KCNAB1: variants seen among roughly 807,000 people sequenced by gnomAD.
KCNAB1 encodes voltage-gated potassium channel subunit beta-1.
Under a neutral mutation model 64.6 loss-of-function variants are expected in KCNAB1, and 35 were observed. The observed-to-expected ratio is 0.54, with a 90% CI of 0.41 to 0.72. The LOEUF (loss-of-function observed/expected upper bound fraction) is 0.72, where lower values mean the gene tolerates loss of function less well. KCNAB1 is among the 30% of genes least tolerant of loss of function. The pLI is 0.00. For missense variants in KCNAB1, 401 were observed against 512.9 expected, an observed-to-expected ratio of 0.78 and a Z score of 2.11; for synonymous variants, 177 against 183.8, an observed-to-expected ratio of 0.96 and a Z score of 0.30.
intron 1 of KCNAB1, 38 bp downstream of exon 1, chr3:156,120,924 C>T (rs1159347508): frequency 1.9e-6 from 3 of 1,604,534 alleles, no homozygotes; most frequent in Admixed American, 1.7e-5. Context: ...TTGGGAGACG[C>T]CGTTCGAAGG....
At chr3:156,349,418 A>G (rs1370456700) in intron 1 of KCNAB1, among the ~76,000 whole-genome samples, 3 of 152,192 alleles carry the variant, frequency 2.0e-5, no homozygotes, top group Non-Finnish European at 4.4e-5. Context: ...TCTGCTTCAC[A>G]AGTACTTTCT....
In KCNAB1 at chr3:156,483,594, C is replaced by G. The variant is rs1188767036; in HGVS notation, c.658+8774C>G. Among the ~76,000 whole-genome samples the G allele has an allele frequency of 2.6e-5, 4 of 152,218 alleles. No homozygotes were observed. In the East Asian group the frequency reaches 7.7e-4, roughly 29 times the overall value. ...AATTCTGCCTATGTCTCACAAGCTACTTGCATCTCCACCCAGTTTCATTTA... is the reference window on the plus strand; with the variant it reads ...AATTCTGCCTATGTCTCACAAGCTAGTTGCATCTCCACCCAGTTTCATTTA... On this transcript the variant is annotated intron_variant, in intron 8 of 13. Coordinates refer to ENST00000490337, the MANE Select transcript of KCNAB1 (RefSeq NM_172160.3).
At chr3:156,525,803 T>C (rs61155568) in intron 12 of KCNAB1, among the ~76,000 whole-genome samples, 55,731 of 151,998 alleles carry the variant, frequency 0.37, 10,659 homozygotes, top group African/African-American at 0.43. Context: ...CATGAGCCAC[T>C]GTGCCCAACC....
chr3:156,364,711 G>C (rs1048297044), intron 1 of KCNAB1, among the ~76,000 whole-genome samples: 3 of 152,136 alleles, frequency 2.0e-5, no homozygotes, highest in African/African-American at 7.2e-5. Flanking sequence ...CTGGGAGGTG[G>C]AGGTTCCGGT....
At chr3:156,176,763 G>GGC (rs779481857) in intron 1 of KCNAB1, 856 of 896,932 alleles carry the variant, frequency 9.5e-4, no homozygotes, top group Non-Finnish European at 1.5e-3. Context: ...ACACCTCGGA[G>GGC]GTCCTGCTTG....
intron 1 of KCNAB1, among the ~76,000 whole-genome samples, chr3:156,122,621 G>A (rs1344443830): frequency 6.6e-6 from 1 of 152,170 alleles, no homozygotes; most frequent in African/African-American, 2.4e-5. Context: ...ATAATCTGTG[G>A]GGTAGTGTTA....
intron 7 of KCNAB1, among the ~76,000 whole-genome samples, chr3:156,470,319 TA>T (rs1713789186): frequency 6.6e-6 from 1 of 152,190 alleles, no homozygotes; most frequent in African/African-American, 2.4e-5. Flanking sequence ...AAACATTTTT[TA>T]AACCCCAATT....
chr3:156,329,618 A>T (rs1281943421), intron 1 of KCNAB1, among the ~76,000 whole-genome samples: 2 of 152,108 alleles, frequency 1.3e-5, no homozygotes, highest in African/African-American at 4.8e-5. Context: ...GGAGTGAGGG[A>T]GGACAGCTAA....
chr3:156,141,605 T>A (rs1336529798), intron 1 of KCNAB1, among the ~76,000 whole-genome samples: 11 of 152,208 alleles, frequency 7.2e-5, no homozygotes, highest in Non-Finnish European at 2.9e-5. Context: ...AATAGTTCAT[T>A]CCTTTTACTT....
chr3:156,210,750 G>A lies in KCNAB1; in HGVS notation c.275+89864G>A, dbSNP rs145382079. ...TTCTCTGCTCCCCACAGGGTTCCCT[G>A]GGAGTGGGCTGGGACTGTACCTGGC... On this transcript the variant is annotated intron_variant, in intron 1 of 13. Transcript: ENST00000490337. Among the ~76,000 whole-genome samples, 422 of 152,324 alleles carry A rather than the reference G, an allele frequency of 2.8e-3. 3 individuals carry two copies. Among genetic ancestry groups the A allele is most frequent in the African/African-American group, 9.4e-3 (390 of 41,578 alleles).
chr3:156,280,210 T>G (rs1287007349), intron 1 of KCNAB1, among the ~76,000 whole-genome samples: 1 of 150,446 alleles, frequency 6.6e-6, no homozygotes, highest in African/African-American at 2.4e-5. Flanking sequence ...CCCAGCACCA[T>G]TTATTAAATA....
intron 1 of KCNAB1, among the ~76,000 whole-genome samples, chr3:156,266,423 T>C (rs1718714936): frequency 6.6e-6 from 1 of 152,210 alleles, no homozygotes. Context: ...CAGAGGTTGG[T>C]TTAAATCCCT....
intron 1 of KCNAB1, among the ~76,000 whole-genome samples, chr3:156,351,568 C>T (rs1296544802): frequency 6.6e-6 from 1 of 152,194 alleles, no homozygotes; most frequent in Non-Finnish European, 1.5e-5. Context: ...AACTTCTGGA[C>T]TCACACAGAG....
At chr3:156,513,147 G>A (rs1305993751) in intron 8 of KCNAB1, among the ~76,000 whole-genome samples, 1 of 152,026 alleles carries the variant, frequency 6.6e-6, no homozygotes, top group Non-Finnish European at 1.5e-5. Flanking sequence ...GGGAGGCGGA[G>A]CCTGCAGGGA....
intron 4 of KCNAB1, among the ~76,000 whole-genome samples, chr3:156,459,137 A>G (rs1247068509): frequency 6.6e-6 from 1 of 152,162 alleles, no homozygotes; most frequent in Non-Finnish European, 1.5e-5. Context: ...GCTTCTGACA[A>G]TGTTGGTCTT....
At chr3:156,322,653 G>C (rs1023138849) in intron 1 of KCNAB1, among the ~76,000 whole-genome samples, 2 of 152,126 alleles carry the variant, frequency 1.3e-5, no homozygotes, top group Non-Finnish European at 2.9e-5. Flanking sequence ...AGTGATGCAG[G>C]TCAATAGGAA....
intron 1 of KCNAB1, among the ~76,000 whole-genome samples, chr3:156,392,580 G>C (rs538534397): frequency 6.6e-6 from 1 of 152,266 alleles, no homozygotes; most frequent in South Asian, 2.1e-4. Flanking sequence ...CAAAGAGAAA[G>C]CTTTTAACAC....
chr3:156,290,189 C>A (rs1720318839), intron 1 of KCNAB1, among the ~76,000 whole-genome samples: 1 of 152,226 alleles, frequency 6.6e-6, no homozygotes, highest in Admixed American at 6.5e-5. Flanking sequence ...AATATGCCTT[C>A]CAACATTGTT....
chr3:156,344,213 A>C (rs1280755577), intron 1 of KCNAB1, among the ~76,000 whole-genome samples: 1 of 152,196 alleles, frequency 6.6e-6, no homozygotes, highest in African/African-American at 2.4e-5. Context: ...TTAGGATTAT[A>C]AAGGACAGGA....
Sources: gnomAD v4.1 joint callset for allele counts (sites outside exome capture counted in the v4.1 genomes callset) on GRCh38, gnomAD v4.1.1 for gene constraint, MANE v1.5 for transcripts, NCBI Gene and HGNC (gene_info 2026-07-23, HGNC 2026-07-21) for gene names.